DLG1: variants seen among roughly 807,000 people sequenced by gnomAD.
DLG1 encodes the protein discs large MAGUK scaffold protein 1.
In DLG1, 42 loss-of-function variants were observed where a neutral mutation model predicts 123.4. The ratio of observed to expected loss-of-function variants is 0.34; its 90% CI spans 0.27 to 0.44. The LOEUF is 0.44. DLG1 is among the 20% of genes least tolerant of loss of function. DLG1 has a pLI of 1.00. For missense variants in DLG1, 942 were observed against 1,082.6 expected (o/e 0.87, Z 1.82); for synonymous variants, 317 against 356.2 (o/e 0.89, Z 1.24).
At chr3:197,173,263 G>C (rs886788466) in intron 5 of DLG1, among the ~76,000 whole-genome samples, 4 of 152,204 alleles carry the variant, frequency 2.6e-5, no homozygotes, top group African/African-American at 9.7e-5. Context: ...AATGATGGTG[G>C]TGGCGGTGGT....
Position 197,065,325 on chromosome 3 carries a change from T to G in DLG1, c.2324A>C (p.Asn775Thr). ...CTGAACACTTGTTCCATATAGATGA[T>G]TGTTATACTGGCCAGCTTCAATGAA... Reference protein sequence around the residue: ...HKFIEAGQYNNHLYGTSVQSV... With the variant: ...HKFIEAGQYNTHLYGTSVQSV... Residue 775 changes from asparagine to threonine, a missense_variant, in exon 22 of 25, where the codon AAT (asparagine) becomes ACT (threonine). Transcript: ENST00000667157. 6.2e-7 allele frequency: 1 copy of G among 1,612,980 alleles called. No homozygotes were observed. The highest frequency in any genetic ancestry group is 8.5e-7 in the Non-Finnish European group (1 of 1,179,692).
chr3:197,242,842 G>A (rs1749641543), intron 4 of DLG1, among the ~76,000 whole-genome samples: 1 of 152,130 alleles, frequency 6.6e-6, no homozygotes, highest in African/African-American at 2.4e-5. Context: ...GATGATTCAT[G>A]CCTGTAATCT....
At chr3:197,225,719 A>G (rs1337005232) in intron 4 of DLG1, 1 of 152,638 alleles carries the variant, frequency 6.6e-6, no homozygotes, top group African/African-American at 2.4e-5. Context: ...TTCTTTACTC[A>G]TGTCAGACAC....
At chr3:197,291,332 C>CACACA (rs1774817217) in intron 3 of DLG1, among the ~76,000 whole-genome samples, 1 of 139,680 alleles carries the variant, frequency 7.2e-6, no homozygotes, top group African/African-American at 2.5e-5. Flanking sequence ...CACACACACA[C>CACACA]ACACACACAG....
At chr3:197,258,518 T>C (rs986227453) in intron 4 of DLG1, among the ~76,000 whole-genome samples, 2 of 152,198 alleles carry the variant, frequency 1.3e-5, no homozygotes, top group Non-Finnish European at 2.9e-5. Flanking sequence ...GTAGCAATGA[T>C]GCAACGTGCC....
At chr3:197,153,226 A>T (rs1445398744) in intron 5 of DLG1, among the ~76,000 whole-genome samples, 1 of 152,228 alleles carries the variant, frequency 6.6e-6, no homozygotes, top group East Asian at 1.9e-4. Context: ...AAATGATTGT[A>T]AAAACAAATG....
chr3:197,244,132 G>T (rs1193929073), intron 4 of DLG1, among the ~76,000 whole-genome samples: 1 of 152,164 alleles, frequency 6.6e-6, no homozygotes, highest in Admixed American at 6.5e-5. Context: ...TCCAAGAAAT[G>T]CCAAGTTTTC....
At chr3:197,112,552 A>AT (rs1770684817) in intron 13 of DLG1, among the ~76,000 whole-genome samples, 1 of 151,718 alleles carries the variant, frequency 6.6e-6, no homozygotes, top group South Asian at 2.1e-4. Flanking sequence ...TGCTGAGAAT[A>AT]TTTTTTACCA....
chr3:197,129,938 G>C (rs960147077), intron 11 of DLG1, among the ~76,000 whole-genome samples: 7 of 152,094 alleles, frequency 4.6e-5, no homozygotes, highest in African/African-American at 1.2e-4. Context: ...ACATATTACT[G>C]TAACAGATAT....
chr3:197,177,831 A>T (rs566593390), intron 5 of DLG1, among the ~76,000 whole-genome samples: 2 of 152,238 alleles, frequency 1.3e-5, no homozygotes, highest in Admixed American at 1.3e-4. Flanking sequence ...TTCTTCTCAG[A>T]GGGCAAGTAA....
Position 197,203,336 on chromosome 3 carries a change from C to T in DLG1, c.319-8747G>A, listed in dbSNP as rs1200298757. 5.3e-5 allele frequency among the ~76,000 whole-genome samples: 8 copies of T among 152,266 alleles called. No homozygotes were observed. The East Asian group carries it at 1.5e-3, about 29-fold the overall frequency. On this transcript the variant is annotated intron_variant, in intron 4 of 24. Coordinates refer to ENST00000667157, the MANE Select transcript of DLG1 (RefSeq NM_001366207.1). The stretch of plus-strand genomic sequence containing the variant: ...TAGAAAACTGTGTCATAGTCTGTGT[C>T]ATGAACTTTCAAAAACAGTTCCAAA...
chr3:197,066,675 G>T (rs1163694583), intron 20 of DLG1, 29 bp downstream of exon 20: 2 of 1,531,354 alleles, frequency 1.3e-6, no homozygotes, highest in Admixed American at 1.7e-5. Context: ...CTTCTAGAAG[G>T]TTATAAAACA....
intron 4 of DLG1, among the ~76,000 whole-genome samples, chr3:197,262,183 A>T (rs1759716455): frequency 6.6e-6 from 1 of 152,170 alleles, no homozygotes; most frequent in African/African-American, 2.4e-5. Flanking sequence ...CCACGGGATT[A>T]GAGGATTAGA....
intron 5 of DLG1, among the ~76,000 whole-genome samples, chr3:197,186,617 C>T (rs62283571): frequency 6.6e-6 from 1 of 151,320 alleles, no homozygotes. Context: ...GGAATATTTA[C>T]AATATTAAAT....
chr3:197,231,567 G>A (rs1743068828), intron 4 of DLG1, among the ~76,000 whole-genome samples: 1 of 152,002 alleles, frequency 6.6e-6, no homozygotes, highest in Non-Finnish European at 1.5e-5. Context: ...CAGGCATGGT[G>A]GCAGGCGCCT....
intron 1 of DLG1, 49 bp from the exon 2 acceptor site, chr3:197,297,284 A>T: frequency 6.2e-7 from 1 of 1,604,406 alleles, no homozygotes; most frequent in Non-Finnish European, 8.5e-7. Context: ...ATGTTAAACT[A>T]GCATTTTCCC....
At chr3:197,252,660 TG>T (rs1346821592) in intron 4 of DLG1, among the ~76,000 whole-genome samples, 1 of 152,178 alleles carries the variant, frequency 6.6e-6, no homozygotes, top group Admixed American at 6.5e-5. Context: ...AGTCTGTAGA[TG>T]GATAGTGGTA....
Position 197,076,678 on chromosome 3 carries a change from A to C in DLG1, c.1913T>G (p.Phe638Cys). The stretch of plus-strand genomic sequence containing the variant: ...GAGGTTCTTTTTACGCTTGTCATTG[A>C]ATGACTGCTGAAGAAGAGAAGGAGG... The part of the protein sequence containing the change: ...NSKTRDKGQS[F>C]NDKRKKNLFS... The change falls in exon 18 of 25, where the codon TTC becomes TGC. Residue 638 changes from phenylalanine to cysteine, a missense_variant. Phe to Cys is a radical substitution (Grantham distance 205, BLOSUM62 -2). Coordinates refer to ENST00000667157, the MANE Select transcript of DLG1 (RefSeq NM_001366207.1). 1 of 1,611,902 alleles carries C rather than the reference A, an allele frequency of 6.2e-7. No homozygotes were observed. Among genetic ancestry groups the C allele is most frequent in the Non-Finnish European group, 8.5e-7 (1 of 1,178,436 alleles).
At chr3:197,274,074 T>C (rs1214977685) in intron 4 of DLG1, among the ~76,000 whole-genome samples, 2 of 152,128 alleles carry the variant, frequency 1.3e-5, no homozygotes, top group Non-Finnish European at 1.5e-5. Flanking sequence ...AAAATACCAG[T>C]GACATTCTTC....
Sources: allele counts gnomAD v4.1 joint callset (sites outside exome capture counted in the v4.1 genomes callset), GRCh38; gene constraint gnomAD v4.1.1; transcripts MANE v1.5; gene names NCBI Gene and HGNC (gene_info 2026-07-23, HGNC 2026-07-21).